Variants in WIPF1 observed in about 807,000 individuals in gnomAD.
WIPF1 encodes WAS/WASL-interacting protein family member 1.
Under a neutral mutation model 35.4 loss-of-function variants are expected in WIPF1, and 13 were observed. The ratio of observed to expected loss-of-function variants is 0.37; its 90% CI spans 0.24 to 0.58. The LOEUF is 0.58. Ranked by LOEUF, WIPF1 falls within the 20% of genes least tolerant of loss-of-function variation. The pLI, the probability that WIPF1 is intolerant of heterozygous loss-of-function variation, is 0.74. For synonymous variants in WIPF1, 267 were observed against 266.3 expected, an observed-to-expected ratio of 1.00 and a Z score of -0.02; for missense variants, 591 against 667.0, an observed-to-expected ratio of 0.89 and a Z score of 1.25.
At chr2:174,621,915 AT>A (rs1205350801) in intron 1 of WIPF1, among the ~76,000 whole-genome samples, 1 of 152,132 alleles carries the variant, frequency 6.6e-6, no homozygotes, top group Non-Finnish European at 1.5e-5. Flanking sequence ...AACCCTTGAA[AT>A]TTGTGGAATT....
chr2:174,658,361 A>C (rs1417187324), intron 1 of WIPF1, among the ~76,000 whole-genome samples: 3 of 152,202 alleles, frequency 2.0e-5, no homozygotes, highest in African/African-American at 7.2e-5. Flanking sequence ...TATTTAGTAG[A>C]TATTTAATTG....
chr2:174,575,869 C>T (rs938915534), intron 3 of WIPF1, among the ~76,000 whole-genome samples: 2 of 151,232 alleles, frequency 1.3e-5, no homozygotes, highest in African/African-American at 2.4e-5. Flanking sequence ...GAAAGAGGGT[C>T]GCAAGGGAGG....
intron 7 of WIPF1, among the ~76,000 whole-genome samples, chr2:174,564,815 G>GCACACACACACACA (rs10587549): frequency 2.2e-4 from 32 of 143,514 alleles, no homozygotes; most frequent in Middle Eastern, 7.2e-3. Flanking sequence ...TTCTTCTGGT[G>GCACACACACACACA]CACACACACA....
At chr2:174,652,898 T>C (rs934413850) in intron 1 of WIPF1, among the ~76,000 whole-genome samples, 2 of 152,328 alleles carry the variant, frequency 1.3e-5, no homozygotes, top group East Asian at 3.9e-4. Context: ...CCTAGATTTA[T>C]GGTTTTTTGC....
chr2:174,585,294 A>T (rs1163913182), intron 2 of WIPF1, among the ~76,000 whole-genome samples: 1 of 152,226 alleles, frequency 6.6e-6, no homozygotes, highest in Admixed American at 6.5e-5. Context: ...CATCAGCCAC[A>T]TTCCACCCTT....
upstream of WIPF1, among the ~76,000 whole-genome samples, chr2:174,599,386 G>A (rs1316298829): frequency 6.6e-6 from 1 of 152,202 alleles, no homozygotes; most frequent in Non-Finnish European, 1.5e-5. Flanking sequence ...AATTGCATGA[G>A]CAGATTCATG....
chr2:174,637,678 T>G (rs1277829974), intron 1 of WIPF1, among the ~76,000 whole-genome samples: 1 of 152,136 alleles, frequency 6.6e-6, no homozygotes, highest in Non-Finnish European at 1.5e-5. Context: ...TCCCAGCTAC[T>G]TGGGAGGCTG....
At chr2:174,602,596 A>C (rs1288966136), upstream of WIPF1, among the ~76,000 whole-genome samples, 1 of 152,256 alleles carries the variant, frequency 6.6e-6, no homozygotes, top group Non-Finnish European at 1.5e-5. Flanking sequence ...ATCTATTTTC[A>C]AAATGTTAAA....
At chr2:174,681,682 G>GA (rs1466847854) in intron 1 of WIPF1, among the ~76,000 whole-genome samples, 1 of 152,164 alleles carries the variant, frequency 6.6e-6, no homozygotes, top group African/African-American at 2.4e-5. Context: ...AGGGATGGGG[G>GA]AATGGGAGTG....
chr2:174,646,264 G>A (rs867112537), intron 1 of WIPF1, among the ~76,000 whole-genome samples: 22 of 152,158 alleles, frequency 1.4e-4, no homozygotes, highest in African/African-American at 3.4e-4. Flanking sequence ...TCCTACTCAG[G>A]AGCATCCCTC....
rs2105853972 is a variant in WIPF1, at chr2:174,590,422, T to C, written c.-38-4811A>G. On this transcript the variant is annotated intron_variant, in intron 1 of 7. Coordinates refer to ENST00000679041, the MANE Select transcript of WIPF1 (RefSeq NM_001375834.1). The surrounding 1 kb of genome is among the most constrained non-coding windows in gnomAD (Gnocchi z 4.6). ...GCAGAGGAGGGATGGACCTGGAGGC[T>C]AGTCTGAGGGGCCACAGCTTTGCTC... Among the ~76,000 whole-genome samples the C allele has an allele frequency of 6.6e-6, 1 of 152,294 alleles. No homozygotes were observed. Among genetic ancestry groups the C allele is most frequent in the Non-Finnish European group, 1.5e-5 (1 of 68,018 alleles).
intron 7 of WIPF1, among the ~76,000 whole-genome samples, chr2:174,565,563 C>T (rs900972073): frequency 6.6e-6 from 1 of 152,198 alleles, no homozygotes; most frequent in African/African-American, 2.4e-5. Context: ...TGTCACTTCT[C>T]TCCCATGTCA....
chr2:174,610,028 C>T (rs1222356131), intron 1 of WIPF1, among the ~76,000 whole-genome samples: 1 of 152,202 alleles, frequency 6.6e-6, no homozygotes, highest in African/African-American at 2.4e-5. Flanking sequence ...AGATTCCCTC[C>T]AAGAACTTCC....
At position 174,572,079 on chromosome 2, in the gene WIPF1, G is replaced by A; in HGVS notation, c.726C>T (p.Ser242=). Residue 242 remains serine (S), a synonymous_variant, in exon 5 of 8, where the codon TCC becomes TCT. Coordinates refer to ENST00000679041, the MANE Select transcript of WIPF1 (RefSeq NM_001375834.1). Reference sequence around the variant, plus strand: ...GAGGCCGGTTGGAGAAGGGCGAGGAGGAGCTCAAGGGGGACTGACGTATTG... The same window carrying A: ...GAGGCCGGTTGGAGAAGGGCGAGGAAGAGCTCAAGGGGGACTGACGTATTG... ...GGSIRQSPLS[S]SSPFSNRPPL... is the part of the protein sequence containing the mutation. The A allele has an allele frequency of 6.4e-7, 1 of 1,567,818 alleles. No individual in the cohort carries two copies. The highest frequency in any genetic ancestry group is 8.6e-7 in the Non-Finnish European group (1 of 1,158,356).
At position 174,612,381 on chromosome 2, in the gene WIPF1, A is replaced by G. The variant is rs1352205413; in HGVS notation, c.-38-26770T>C. Among the ~76,000 whole-genome samples, 5 of 152,316 alleles carry G rather than the reference A, an allele frequency of 3.3e-5. No individual in the cohort carries two copies. In the South Asian group the frequency reaches 1.0e-3, roughly 32 times the overall value. On this transcript the variant is annotated intron_variant, in intron 1 of 8. Transcript: ENST00000272746. ...ATATTATTCTCTTAACACAATTTTA[A>G]TAGTTGCATATCTCATTTTCTGGAT...
In WIPF1 at chr2:174,567,914, G is replaced by T. The variant is rs145467227; in HGVS notation, c.1289C>A (p.Pro430Gln). The T allele has an allele frequency of 1.7e-5, 28 of 1,612,698 alleles. No homozygotes were observed. The highest frequency in any genetic ancestry group is 4.0e-5 in the African/African-American group (3 of 75,026). Residue 430 changes from proline (P) to glutamine (Q), a missense_variant, in exon 6 of 8, where the codon CCA becomes CAA. Transcript: ENST00000679041. Reference sequence around the variant, plus strand: ...TCTAATAGATGTTGATGGTGGAGGTGGGGGAGGTGCCCCAGCACTGGGCCT... The same window carrying T: ...TCTAATAGATGTTGATGGTGGAGGTTGGGGAGGTGCCCCAGCACTGGGCCT... Reference protein sequence around the residue: ...PDRPSAGAPPPPPPSTSIRNG... With the variant: ...PDRPSAGAPPQPPPSTSIRNG...
chr2:174,669,105 T>C (rs535060234), intron 1 of WIPF1, among the ~76,000 whole-genome samples: 28 of 152,322 alleles, frequency 1.8e-4, no homozygotes, highest in African/African-American at 6.3e-4. Context: ...TCATTCCTTC[T>C]TCAAAAATGA....
At chr2:174,589,195 C>G (rs961970566) in intron 1 of WIPF1, among the ~76,000 whole-genome samples, 3 of 152,216 alleles carry the variant, frequency 2.0e-5, no homozygotes, top group African/African-American at 7.2e-5. Flanking sequence ...GTCTTTCCAC[C>G]AGCCTATGGA....
At chr2:174,606,057 G>A (rs1235201689) in intron 1 of WIPF1, among the ~76,000 whole-genome samples, 1 of 152,078 alleles carries the variant, frequency 6.6e-6, no homozygotes, top group Non-Finnish European at 1.5e-5. Context: ...AGAACAAGTG[G>A]TTCTTCCCAG....
Sources: allele counts gnomAD v4.1 joint callset (sites outside exome capture counted in the v4.1 genomes callset), GRCh38; gene constraint gnomAD v4.1.1; non-coding constraint Gnocchi (gnomAD v3.1); transcripts MANE v1.5; gene names NCBI Gene and HGNC (gene_info 2026-07-23, HGNC 2026-07-21).